Variants in TTBK2 observed in about 807,000 individuals in gnomAD.
The protein encoded by TTBK2 is tau-tubulin kinase 2.
A neutral mutation model predicts 110.8 loss-of-function variants in TTBK2; 28 were observed. The observed-to-expected ratio is 0.25, with a 90% CI of 0.19 to 0.35. The LOEUF is 0.35. Among genes scored for constraint, TTBK2 ranks in the 10% least tolerant of loss-of-function variants. The pLI is 1.00. For synonymous variants in TTBK2, 532 were observed against 527.3 expected (o/e 1.01, Z -0.12); for missense variants, 1,369 against 1,500.3 (o/e 0.91, Z 1.45).
intron 1 of TTBK2, chr15:42,919,912 G>C: frequency 4.5e-6 from 3 of 667,244 alleles, no homozygotes; most frequent in Non-Finnish European, 5.6e-6. Context: ...CATCATCTCT[G>C]CCACAGCAAA....
intron 1 of TTBK2, among the ~76,000 whole-genome samples, chr15:42,897,114 T>G (rs978070722): frequency 1.1e-4 from 17 of 152,094 alleles, no homozygotes; most frequent in Non-Finnish European, 2.9e-5. Context: ...CTTGACCTCG[T>G]GATTCACCCG....
intron 9 of TTBK2, among the ~76,000 whole-genome samples, chr15:42,802,905 A>G (rs1400219640): frequency 2.6e-5 from 4 of 152,224 alleles, no homozygotes; most frequent in Non-Finnish European, 5.9e-5. Flanking sequence ...AAGCAGGCAG[A>G]AAAATGTGAA....
rs542293602 is a variant in TTBK2, at chr15:42,757,312, T to C, written c.1999-4065A>G. Among the ~76,000 whole-genome samples, 5 of 151,918 alleles carry C rather than the reference T, an allele frequency of 3.3e-5. No homozygotes were observed. The East Asian group carries it at 9.7e-4, about 29-fold the overall frequency. On this transcript the variant is annotated intron_variant, in intron 13 of 14. Coordinates refer to ENST00000267890, the MANE Select transcript of TTBK2 (RefSeq NM_173500.4). ...AATTTGCACAGACAGGGTCTCACTA[T>C]GTTGCCCAGGCTGGTCTTGAACTCC...
intron 6 of TTBK2, among the ~76,000 whole-genome samples, chr15:42,827,680 C>T (rs1892588742): frequency 6.6e-6 from 1 of 152,058 alleles, no homozygotes; most frequent in Non-Finnish European, 1.5e-5. Context: ...AAAATGACCC[C>T]TAATCTCAAA....
At chr15:42,802,218 G>A (rs765028213) in intron 9 of TTBK2, 2 of 921,650 alleles carry the variant, frequency 2.2e-6, no homozygotes, top group Non-Finnish European at 3.6e-6. Context: ...TGACAGTGAT[G>A]GTGGTGATGC....
Position 42,828,039 on chromosome 15 carries a change from A to G in TTBK2, c.433-7T>C, listed in dbSNP as rs748342634. The G allele has an allele frequency of 1.9e-6, 3 of 1,606,874 alleles. No homozygotes were observed. The South Asian group carries it at 3.3e-5, about 18-fold the overall frequency. On this transcript the variant is annotated splice_polypyrimidine_tract_variant and splice_region_variant and intron_variant, in intron 5 of 14. Transcript: ENST00000267890. ...GACCCATAGCGAAGTTCGACTAGAAAAATAAAGAAGGAAAATATATACATT... is the reference window on the plus strand; with the variant it reads ...GACCCATAGCGAAGTTCGACTAGAAGAATAAAGAAGGAAAATATATACATT...
intron 1 of TTBK2, among the ~76,000 whole-genome samples, chr15:42,911,050 A>C (rs1678967778): frequency 6.6e-6 from 1 of 152,094 alleles, no homozygotes; most frequent in Admixed American, 6.6e-5. Context: ...GTCTCAAAAA[A>C]AAAAAAAAAC....
chr15:42,822,258 A>G lies in TTBK2; in HGVS notation c.538-5161T>C, dbSNP rs568319973. On this transcript the variant is annotated intron_variant, in intron 6 of 14. Transcript: ENST00000267890. ...TGCTTAACAATGTCTTTCAAAGAGT[A>G]TAAGTGTTTAGTTTTGATATATTTT... is the stretch of plus-strand genomic sequence containing the variant. 1.1e-4 allele frequency among the ~76,000 whole-genome samples: 16 copies of G among 152,314 alleles called. No individual in the cohort carries two copies. The South Asian group carries it at 3.1e-3, about 30-fold the overall frequency.
intron 14 of TTBK2, among the ~76,000 whole-genome samples, chr15:42,747,677 G>A (rs576806085): frequency 6.6e-6 from 1 of 152,340 alleles, no homozygotes; most frequent in East Asian, 1.9e-4. Flanking sequence ...CTGGGGTGGG[G>A]AGGGCCTGCT....
chr15:42,836,987 A>T (rs1238172063), intron 4 of TTBK2, among the ~76,000 whole-genome samples: 1 of 152,208 alleles, frequency 6.6e-6, no homozygotes, highest in Non-Finnish European at 1.5e-5. Flanking sequence ...AATCCAGATG[A>T]AAACTATAAA....
intron 9 of TTBK2, chr15:42,801,791 T>C (rs1177290260): frequency 1.2e-6 from 1 of 821,394 alleles, no homozygotes; most frequent in South Asian, 1.3e-5. Context: ...TCCAGCTCCA[T>C]CTTGTTCATG....
At chr15:42,764,601 AG>A (rs1373447254) in intron 13 of TTBK2, among the ~76,000 whole-genome samples, 3 of 152,282 alleles carry the variant, frequency 2.0e-5, no homozygotes, top group African/African-American at 7.2e-5. Flanking sequence ...TAAAGCAGCC[AG>A]GGAAGCTCGA....
intron 2 of TTBK2, 21 bp from the exon 3 acceptor site, chr15:42,872,779 C>T (rs1188425247): frequency 6.2e-7 from 1 of 1,613,496 alleles, no homozygotes; most frequent in Non-Finnish European, 8.5e-7. Flanking sequence ...AATAAGAACA[C>T]ACACACTCTA....
Position 42,777,092 on chromosome 15 carries a change from C to G in TTBK2, c.1348G>C (p.Glu450Gln). The change falls in exon 12 of 15, where the codon GAG (glutamate) becomes CAG (glutamine). Residue 450 changes from glutamate (E) to glutamine (Q), a missense_variant. Physicochemically the swap from Glu to Gln is conservative, Grantham distance 29 (BLOSUM62 2). Transcript: ENST00000267890. ...TCCAGGGTCAGACGTTTTTCCAGCT[C>G]AAAGCTGTGAATGGAACGTAACTTT... ...VRKLRSIHSF[E>Q]LEKRLTLEPK... The G allele has an allele frequency of 6.2e-7, 1 of 1,614,160 alleles. No individual in the cohort carries two copies. The highest frequency in any genetic ancestry group is 8.5e-7 in the Non-Finnish European group (1 of 1,180,036).
At chr15:42,895,102 A>T (rs1246776247) in intron 1 of TTBK2, among the ~76,000 whole-genome samples, 1 of 152,216 alleles carries the variant, frequency 6.6e-6, no homozygotes, top group African/African-American at 2.4e-5. Flanking sequence ...AAGTTCACAC[A>T]AACTGTCAGT....
chr15:42,830,633 CAA>C (rs960813815), intron 4 of TTBK2, among the ~76,000 whole-genome samples: 1 of 151,636 alleles, frequency 6.6e-6, no homozygotes, highest in African/African-American at 2.4e-5. Context: ...GAAGTCATAA[CAA>C]AAAAGTCTTG....
chr15:42,901,648 A>T (rs79456138), intron 1 of TTBK2, among the ~76,000 whole-genome samples: 1 of 151,876 alleles, frequency 6.6e-6, no homozygotes, highest in Non-Finnish European at 1.5e-5. Flanking sequence ...ATTAAAAAAA[A>T]TTTAAAACTT....
At chr15:42,774,775 G>GTT (rs1889827741) in intron 13 of TTBK2, among the ~76,000 whole-genome samples, 1 of 152,122 alleles carries the variant, frequency 6.6e-6, no homozygotes, top group South Asian at 2.1e-4. Flanking sequence ...AAACCATGAA[G>GTT]GGTTAAATAG....
In TTBK2 at chr15:42,801,701, T is replaced by TG. The variant is rs765326082; in HGVS notation, c.823-6901dup. ...CAGCACCACAGATGTATCCGAGATCTGGGACTGCAGCTCCCGATCTCCTCT... is the reference window on the plus strand; with the variant it reads ...CAGCACCACAGATGTATCCGAGATCTGGGGACTGCAGCTCCCGATCTCCTCT... On this transcript the variant is annotated intron_variant, in intron 9 of 14. Transcript: ENST00000267890. The TG allele has an allele frequency of 2.8e-5, 25 of 888,780 alleles. No individual in the cohort carries two copies. In the Admixed American group the frequency reaches 4.1e-4, roughly 14 times the overall value. 55.1% of individuals were successfully genotyped at this position (888,780 alleles called of 1,614,324 possible). A position where few individuals can be genotyped will look rare whatever the true frequency, so the allele number is the denominator to read the frequency against.
Sources: gnomAD v4.1 joint callset for allele counts (sites outside exome capture counted in the v4.1 genomes callset) on GRCh38, gnomAD v4.1.1 for gene constraint, MANE v1.5 for transcripts, NCBI Gene and HGNC (gene_info 2026-07-23, HGNC 2026-07-21) for gene names.